Variants in NEDD1 observed in about 807,000 individuals in gnomAD.
NEDD1 encodes protein NEDD1.
NEDD1 carries 33 observed loss-of-function variants against 74.0 expected under a neutral mutation model. The observed-to-expected ratio is 0.45, with a 90% CI of 0.34 to 0.60. The LOEUF (loss-of-function observed/expected upper bound fraction) is 0.60. Among genes scored for constraint, NEDD1 ranks in the 20% least tolerant of loss-of-function variants. NEDD1 has a pLI of 0.01. For missense variants in NEDD1, 746 were observed against 776.5 expected, an observed-to-expected ratio of 0.96 and a Z score of 0.47; for synonymous variants, 250 against 264.4, an observed-to-expected ratio of 0.95 and a Z score of 0.53.
At chr12:96,929,739 G>C (rs1876172984) in intron 6 of NEDD1, among the ~76,000 whole-genome samples, 1 of 151,778 alleles carries the variant, frequency 6.6e-6, no homozygotes, top group African/African-American at 2.4e-5. Flanking sequence ...ACTTCTAGCA[G>C]ATCTCCTCAG....
Position 96,909,794 on chromosome 12 carries a change from A to T in NEDD1, c.35A>T (p.Asp12Val). Reference sequence around the variant, plus strand: ...AACCTCAGATTTGCTTCATCAGGAGATGATATTAAAATATGGGATGCTTCA... The same window carrying T: ...AACCTCAGATTTGCTTCATCAGGAGTTGATATTAAAATATGGGATGCTTCA... ...QENLRFASSG[D>V]DIKIWDASSM... is the part of the protein sequence containing the mutation. Residue 12 changes from aspartate (D) to valine (V), a missense_variant, in exon 3 of 16, where the codon GAT (aspartate) becomes GTT (valine). Coordinates refer to ENST00000266742, the MANE Select transcript of NEDD1 (RefSeq NM_152905.4). 6.2e-7 allele frequency: 1 copy of T among 1,613,610 alleles called. No individual in the cohort carries two copies. Among genetic ancestry groups the T allele is most frequent in the East Asian group, 2.2e-5 (1 of 44,856 alleles).
chr12:96,915,801 A>G (rs1341426607), intron 4 of NEDD1, among the ~76,000 whole-genome samples: 1 of 152,236 alleles, frequency 6.6e-6, no homozygotes, highest in Non-Finnish European at 1.5e-5. Context: ...GAGCATGGAT[A>G]TGGGCCTTGT....
intron 6 of NEDD1, chr12:96,924,976 G>T: frequency 2.7e-6 from 1 of 364,004 alleles, no homozygotes; most frequent in Non-Finnish European, 5.4e-6. Flanking sequence ...TCTTATTAGG[G>T]TGCTGTATAT....
At chr12:96,917,965 C>A (rs1358867594) in intron 5 of NEDD1, among the ~76,000 whole-genome samples, 3 of 151,926 alleles carry the variant, frequency 2.0e-5, no homozygotes, top group Non-Finnish European at 2.9e-5. Context: ...CAACTTTTTT[C>A]TTGTTTTTTA....
chr12:96,916,073 G>T (rs180840556), intron 4 of NEDD1, among the ~76,000 whole-genome samples: 291 of 151,996 alleles, frequency 1.9e-3, no homozygotes, highest in Non-Finnish European at 3.1e-3. Context: ...GGCAAATATA[G>T]GGTTGTATAT....
intron 3 of NEDD1, among the ~76,000 whole-genome samples, chr12:96,911,830 T>A (rs1174668893): frequency 6.6e-6 from 1 of 152,196 alleles, no homozygotes; most frequent in Non-Finnish European, 1.5e-5. Context: ...ATGCTCTGTT[T>A]ACAAAATACC....
chr12:96,933,426 G>A (rs1038670058), intron 6 of NEDD1, among the ~76,000 whole-genome samples: 2 of 152,076 alleles, frequency 1.3e-5, no homozygotes, highest in Admixed American at 6.6e-5. Context: ...TTAACATAAT[G>A]CACTAAGTAG....
intron 6 of NEDD1, among the ~76,000 whole-genome samples, chr12:96,931,393 GTATT>G (rs1206815141): frequency 6.6e-6 from 1 of 152,118 alleles, no homozygotes; most frequent in Non-Finnish European, 1.5e-5. Context: ...AATAGGGAAG[GTATT>G]TACAATGTAT....
intron 6 of NEDD1, among the ~76,000 whole-genome samples, chr12:96,921,792 T>C (rs986177123): frequency 6.8e-6 from 1 of 147,074 alleles, no homozygotes; most frequent in Non-Finnish European, 1.5e-5. Flanking sequence ...TTTTTTTTTT[T>C]AATATTAGAG....
rs1009386565 is a variant in NEDD1 at position 96,909,849 on chromosome 12, A to G, written c.90A>G (p.Pro30=). The G allele has an allele frequency of 4.3e-6, 7 of 1,613,896 alleles. No homozygotes were observed. The highest frequency in any genetic ancestry group is 2.7e-5 in the African/African-American group (2 of 74,990). ...SSMTLVDKFN[P]HTSPHGISSI... ...TGACATTGGTGGATAAATTCAACCC[A>G]CACACATCACCACATGGAATCAGCT... Residue 30 remains proline (P), a synonymous_variant, in exon 3 of 16, where the codon CCA becomes CCG. Transcript: ENST00000266742.
At chr12:96,949,793 G>A (rs2136630528) in intron 14 of NEDD1, among the ~76,000 whole-genome samples, 1 of 152,144 alleles carries the variant, frequency 6.6e-6, no homozygotes, top group East Asian at 1.9e-4. Flanking sequence ...TGCAAAAAAT[G>A]GAATAATCAG....
rs1047164345 is a variant in NEDD1 at position 96,953,301 on chromosome 12, T to C, written c.*1248T>C. 2.6e-5 allele frequency: 4 copies of C among 151,494 alleles called. No individual in the cohort carries two copies. The highest frequency in any genetic ancestry group is 5.9e-5 in the Non-Finnish European group (4 of 67,662). 9.4% of individuals were successfully genotyped at this position (151,494 alleles called of 1,614,324 possible). ...TTTTTAAGGATATATTTAATAAGCA[T>C]AAACTTACTAATAATTACTTCCAAA... On this transcript the variant is annotated 3_prime_UTR_variant, in exon 16 of 16. Coordinates refer to ENST00000266742, the MANE Select transcript of NEDD1 (RefSeq NM_152905.4).
intron 6 of NEDD1, among the ~76,000 whole-genome samples, chr12:96,920,694 A>G (rs962075189): frequency 1.3e-5 from 2 of 152,192 alleles, no homozygotes; most frequent in Non-Finnish European, 2.9e-5. Context: ...GAATAAATTC[A>G]GTTTTTCAAG....
intron 9 of NEDD1, 26 bp downstream of exon 9, chr12:96,937,419 A>C: frequency 7.4e-7 from 1 of 1,352,968 alleles, no homozygotes; most frequent in Non-Finnish European, 9.9e-7. Flanking sequence ...ATATTGTTGG[A>C]GGGTTGGTTT....
chr12:96,937,488 A>G, intron 9 of NEDD1, 95 bp downstream of exon 9: 4 of 572,640 alleles, frequency 7.0e-6, no homozygotes, highest in African/African-American at 1.9e-5. Context: ...CTTCAAGAAC[A>G]TAGAACTCAA....
At chr12:96,945,549 C>A in intron 13 of NEDD1, 144 bp from the exon 14 acceptor site, 1 of 587,014 alleles carries the variant, frequency 1.7e-6, no homozygotes, top group East Asian at 2.8e-5. Flanking sequence ...GATTTGTATT[C>A]CAGACAGTGA....
intron 6 of NEDD1, among the ~76,000 whole-genome samples, chr12:96,926,887 T>C (rs939785699): frequency 1.3e-5 from 2 of 151,306 alleles, no homozygotes; most frequent in African/African-American, 4.9e-5. Context: ...CTGAGGAGGC[T>C]GAGGTGAGAG....
chr12:96,919,924 A>G (rs1874883284), intron 5 of NEDD1, 61 bp from the exon 6 acceptor site: 2 of 1,168,628 alleles, frequency 1.7e-6, no homozygotes, highest in African/African-American at 3.1e-5. Context: ...TTACAGAAAC[A>G]TGAAAATGGG....
rs930897748 is a variant in NEDD1, at chr12:96,943,634, T to C, written c.1369T>C (p.Leu457=). ...KNPVTSSTSV[L]HSSPLNVFMG... is the part of the protein sequence containing the mutation. Reference sequence around the variant, plus strand: ...TCCAGTAACTTCAAGTACTTCAGTATTGCATTCTAGTCCTCTTAATGTTTT... The same window carrying C: ...TCCAGTAACTTCAAGTACTTCAGTACTGCATTCTAGTCCTCTTAATGTTTT... Residue 457 remains leucine (L), a synonymous_variant, in exon 12 of 16, where the codon TTG becomes CTG. Coordinates refer to ENST00000266742, the MANE Select transcript of NEDD1 (RefSeq NM_152905.4). The C allele has an allele frequency of 1.2e-6, 2 of 1,612,174 alleles. No individual in the cohort carries two copies. The highest frequency in any genetic ancestry group is 8.5e-7 in the Non-Finnish European group (1 of 1,178,386).
Sources: gnomAD v4.1 joint callset for allele counts (sites outside exome capture counted in the v4.1 genomes callset) on GRCh38, gnomAD v4.1.1 for gene constraint, MANE v1.5 for transcripts, NCBI Gene and HGNC (gene_info 2026-07-23, HGNC 2026-07-21) for gene names.